The following FRMPD3 variants were observed in gnomAD, a reference collection of about 807,000 sequenced individuals.
FRMPD3 encodes FERM and PDZ domain-containing protein 3.
FRMPD3 carries 42 observed loss-of-function variants against 97.9 expected under a neutral mutation model. The ratio of observed to expected loss-of-function variants is 0.43; its 90% CI spans 0.34 to 0.55. The LOEUF (loss-of-function observed/expected upper bound fraction) is 0.55, where lower values mean the gene tolerates loss of function less well. FRMPD3 is among the 20% of genes least tolerant of loss of function. The probability of loss-of-function intolerance (pLI) is 0.03; values close to 1 mark genes in which losing one functional copy is unlikely to be tolerated. For synonymous variants in FRMPD3, 577 were observed against 581.1 expected, an observed-to-expected ratio of 0.99 and a Z score of 0.10; for missense variants, 1,303 against 1,457.7, an observed-to-expected ratio of 0.89 and a Z score of 1.73.
At chrX:107,582,433 G>T (rs1485845253) in intron 13 of FRMPD3, among the ~76,000 whole-genome samples, 2 of 111,861 alleles carry the variant, frequency 1.8e-5, no homozygotes, top group Non-Finnish European at 3.8e-5. Context: ...TGACCCACCC[G>T]CCTTGACCTC....
rs181699740 is a variant in FRMPD3 at position 107,477,932 on chromosome X, T to C, written c.-8+27927T>C. Among the ~76,000 whole-genome samples the C allele has an allele frequency of 1.9e-3, 215 of 111,301 alleles. 1 individual carries two copies. The highest frequency in any genetic ancestry group is 6.7e-3 in the African/African-American group (205 of 30,583). Reference sequence around the variant, plus strand: ...TCTCCATCTTATGCCAGAGATGCCCTCTCCTTGTCTCTACTAATCCAAAGC... The same window carrying C: ...TCTCCATCTTATGCCAGAGATGCCCCCTCCTTGTCTCTACTAATCCAAAGC... On this transcript the variant is annotated intron_variant, in intron 1 of 14. Coordinates refer to ENST00000683843, the MANE Select transcript of FRMPD3 (RefSeq NM_001388459.1).
intron 10 of FRMPD3, among the ~76,000 whole-genome samples, chrX:107,561,924 T>G (rs1436331543): frequency 3.6e-5 from 4 of 112,336 alleles, no homozygotes; most frequent in African/African-American, 1.3e-4. Context: ...GGCCTGGTCT[T>G]GGCCCCTGAG....
intron 14 of FRMPD3, among the ~76,000 whole-genome samples, chrX:107,598,744 G>T (rs1356576691): frequency 8.9e-6 from 1 of 112,384 alleles, no homozygotes; most frequent in African/African-American, 3.2e-5. Context: ...ATCACATGGG[G>T]TTGTCACAAG....
At chrX:107,499,494 T>C (rs1022996653) in intron 1 of FRMPD3, among the ~76,000 whole-genome samples, 2 of 112,071 alleles carry the variant, frequency 1.8e-5, no homozygotes, top group African/African-American at 6.5e-5. Flanking sequence ...TGTTTCCCCA[T>C]AATAGTGACT....
At chrX:107,529,965 C>T (rs1251823008) in intron 2 of FRMPD3, among the ~76,000 whole-genome samples, 3 of 111,740 alleles carry the variant, frequency 2.7e-5, no homozygotes, top group African/African-American at 9.8e-5. Flanking sequence ...CTTTTGCTAC[C>T]AAACCATACC....
intron 1 of FRMPD3, among the ~76,000 whole-genome samples, chrX:107,515,560 TAAAAG>T (rs762978967): frequency 5.4e-5 from 6 of 111,179 alleles, no homozygotes; most frequent in Non-Finnish European, 1.1e-4. Context: ...GCAATGTCCT[TAAAAG>T]AAAAAAAAGA....
rs1292726472 is a variant in FRMPD3 at position 107,601,645 on chromosome X, A to G, written c.3606A>G (p.Glu1202=). The G allele has an allele frequency of 8.3e-7, 1 of 1,211,094 alleles. No individual in the cohort carries two copies. The highest frequency in any genetic ancestry group is 1.1e-6 in the Non-Finnish European group (1 of 895,433). Residue 1202 remains glutamate (E), a synonymous_variant, in exon 15 of 15, where the codon GAA becomes GAG. Transcript: ENST00000683843. Reference sequence around the variant, plus strand: ...TCAATGGAGCCCACTCGACCTCTGAAGGCCCTGCCAAACCCAAGTCATCCC... The same window carrying G: ...TCAATGGAGCCCACTCGACCTCTGAGGGCCCTGCCAAACCCAAGTCATCCC... ...TTLNGAHSTS[E]GPAKPKSSRG...
At position 107,565,048 on chromosome X, in the gene FRMPD3, C is replaced by T; in HGVS notation, c.1278C>T (p.Thr426=). The T allele has an allele frequency of 2.5e-6, 3 of 1,188,236 alleles. No homozygotes were observed. Among genetic ancestry groups the T allele is most frequent in the Non-Finnish European group, 3.4e-6 (3 of 883,527 alleles). The change falls in exon 12 of 15, where the codon ACC becomes ACT. Residue 426 remains threonine (T), a synonymous_variant. Coordinates refer to ENST00000683843, the MANE Select transcript of FRMPD3 (RefSeq NM_001388459.1). ...ACCAGGGCGTGGCCCGGGTGGAGACCAGCATCATGGATGCCAAGGTAAGCC... is the reference window on the plus strand; with the variant it reads ...ACCAGGGCGTGGCCCGGGTGGAGACTAGCATCATGGATGCCAAGGTAAGCC... ...RENQGVARVE[T]SIMDAKPLVL...
chrX:107,533,929 A>C (rs1043271005), intron 4 of FRMPD3, among the ~76,000 whole-genome samples: 3 of 112,393 alleles, frequency 2.7e-5, no homozygotes, highest in Non-Finnish European at 5.6e-5. Context: ...CATTCATATA[A>C]GTTACCTACA....
chrX:107,458,390 T>G (rs1464908589), intron 1 of FRMPD3, among the ~76,000 whole-genome samples: 1 of 112,371 alleles, frequency 8.9e-6, no homozygotes, highest in Non-Finnish European at 1.9e-5. Flanking sequence ...CTGTAGGGGT[T>G]CAAAGCACAG....
chrX:107,575,973 G>A (rs927810088), intron 12 of FRMPD3, among the ~76,000 whole-genome samples: 4 of 111,655 alleles, frequency 3.6e-5, no homozygotes, highest in Non-Finnish European at 7.5e-5. Flanking sequence ...GCTTTACCCC[G>A]CTCTCCCGGC....
chrX:107,598,245 G>A, intron 14 of FRMPD3, 103 bp downstream of exon 14: 1 of 697,347 alleles, frequency 1.4e-6, no homozygotes, highest in Non-Finnish European at 2.2e-6. Flanking sequence ...AGTCACTGAG[G>A]TATGTCAGGG....
chrX:107,475,041 C>T (rs1395208096), intron 1 of FRMPD3, among the ~76,000 whole-genome samples: 1 of 111,561 alleles, frequency 9.0e-6, no homozygotes, highest in African/African-American at 3.3e-5. Flanking sequence ...GGGACCAGCT[C>T]TGAATTTAGA....
chrX:107,596,260 G>A (rs768063559), intron 13 of FRMPD3, among the ~76,000 whole-genome samples: 1 of 112,046 alleles, frequency 8.9e-6, no homozygotes, highest in Non-Finnish European at 1.9e-5. Context: ...GACCTAGGCG[G>A]AAATCCAGTC....
intron 1 of FRMPD3, chrX:107,513,214 A>C (rs1465820170): frequency 1.8e-5 from 2 of 111,621 alleles, no homozygotes; most frequent in African/African-American, 6.5e-5. Flanking sequence ...TCTCCATTCC[A>C]GCCCACTGGG....
chrX:107,569,410 G>T (rs768620720), intron 12 of FRMPD3, among the ~76,000 whole-genome samples: 4 of 110,453 alleles, frequency 3.6e-5, no homozygotes, highest in African/African-American at 1.3e-4. Context: ...TCTGGCTGGG[G>T]GTATTAAGGA....
chrX:107,475,182 TGA>T (rs1288413909), intron 1 of FRMPD3, among the ~76,000 whole-genome samples: 1 of 111,506 alleles, frequency 9.0e-6, no homozygotes, highest in Non-Finnish European at 1.9e-5. Flanking sequence ...TATGTGTGTA[TGA>T]GAGAGATTAT....
chrX:107,470,290 C>T (rs1306742369), intron 1 of FRMPD3, among the ~76,000 whole-genome samples: 2 of 112,400 alleles, frequency 1.8e-5, no homozygotes, highest in South Asian at 3.7e-4. Flanking sequence ...CTCAGGGTCA[C>T]TCATGAGGTT....
rs145142674 is a variant in FRMPD3 at position 107,581,879 on chromosome X, C to T, written c.1441+5420C>T. ...AATAACATTCTATTGTATGGATATA[C>T]CACATTCCTTTATCCATTCATCAGT... On this transcript the variant is annotated intron_variant, in intron 13 of 14. Transcript: ENST00000683843. Among the ~76,000 whole-genome samples, 801 of 112,011 alleles carry T rather than the reference C, an allele frequency of 7.2e-3. 8 individuals carry two copies. The highest frequency in any genetic ancestry group is 0.024 in the African/African-American group (743 of 30,855).
Sources: gnomAD v4.1 joint callset for allele counts (sites outside exome capture counted in the v4.1 genomes callset) on GRCh38, gnomAD v4.1.1 for gene constraint, MANE v1.5 for transcripts, NCBI Gene and HGNC (gene_info 2026-07-23, HGNC 2026-07-21) for gene names.